Variants in BARD1 observed in about 807,000 individuals in gnomAD.
BARD1 encodes BRCA1-associated RING domain protein 1.
BARD1 carries 73 observed loss-of-function variants against 77.0 expected under a neutral mutation model. The ratio of observed to expected loss-of-function variants is 0.95; its 90% CI spans 0.79 to 1.15. BARD1 has a LOEUF of 1.15. BARD1 is among the 50% of genes most tolerant of loss of function. BARD1 has a pLI of 0.00. For synonymous variants in BARD1, 384 were observed against 338.0 expected (o/e 1.14, Z -1.49); for missense variants, 993 against 938.8 (o/e 1.06, Z -0.75).
At chr2:214,787,967 G>A (rs190825012) in intron 3 of BARD1, among the ~76,000 whole-genome samples, 2 of 151,922 alleles carry the variant, frequency 1.3e-5, no homozygotes, top group East Asian at 1.9e-4. Flanking sequence ...CAACATTAAC[G>A]CCTTCACTGA....
intron 3 of BARD1, among the ~76,000 whole-genome samples, chr2:214,785,751 T>A (rs1411142929): frequency 6.6e-6 from 1 of 151,454 alleles, no homozygotes; most frequent in Non-Finnish European, 1.5e-5. Flanking sequence ...AAGAAGAACA[T>A]TAGAAACGGA....
intron 9 of BARD1, among the ~76,000 whole-genome samples, chr2:214,736,113 T>TA (rs1301892033): frequency 1.3e-5 from 2 of 152,034 alleles, no homozygotes; most frequent in Admixed American, 6.6e-5. Flanking sequence ...AATTATACTC[T>TA]AAAAAAGGCA....
Position 214,792,287 on chromosome 2 carries a change from T to C in BARD1, c.364+10A>G. The stretch of plus-strand genomic sequence containing the variant: ...TGAATTTAACTAAGAGAGATAGGGA[T>C]AGTTCTTACCTGACAGCTCATTGTC... On this transcript the variant is annotated intron_variant, in intron 3 of 10. Transcript: ENST00000260947. 3 of 1,612,592 alleles carry C rather than the reference T, an allele frequency of 1.9e-6. No individual in the cohort carries two copies. The highest frequency in any genetic ancestry group is 2.5e-6 in the Non-Finnish European group (3 of 1,179,276).
intron 9 of BARD1, among the ~76,000 whole-genome samples, chr2:214,737,723 A>G (rs368754239): frequency 6.6e-6 from 1 of 152,206 alleles, no homozygotes. Flanking sequence ...CCAGCCAAAC[A>G]TTACTTAATT....
At chr2:214,770,094 T>C (rs1694408740) in intron 4 of BARD1, among the ~76,000 whole-genome samples, 1 of 152,240 alleles carries the variant, frequency 6.6e-6, no homozygotes, top group African/African-American at 2.4e-5. Context: ...ACATTTAGTT[T>C]ATATTCACCT....
chr2:214,736,749 G>A (rs189962179), intron 9 of BARD1, among the ~76,000 whole-genome samples: 224 of 152,140 alleles, frequency 1.5e-3, no homozygotes, highest in Middle Eastern at 0.014. Context: ...AGAGCAGCAT[G>A]GTACTTCCAT....
intron 7 of BARD1, among the ~76,000 whole-genome samples, chr2:214,749,169 A>G (rs2106028975): frequency 7.0e-6 from 1 of 143,104 alleles, no homozygotes; most frequent in East Asian, 2.1e-4. Flanking sequence ...GGCCATGGGA[A>G]CATCTAGTTC....
Position 214,726,528 on chromosome 2 carries a change from T to C in BARD1, c.*2148A>G, listed in dbSNP as rs1692091016. 4.5e-6 allele frequency: 1 copy of C among 223,400 alleles called. No individual in the cohort carries two copies. The highest frequency in any genetic ancestry group is 1.8e-4 in the South Asian group (1 of 5,458). 13.8% of individuals were successfully genotyped at this position (223,400 alleles called of 1,614,324 possible). On this transcript the variant is annotated 3_prime_UTR_variant, in exon 11 of 11. Transcript: ENST00000260947. The stretch of plus-strand genomic sequence containing the variant: ...CAAAATTAATTAAAAAGCATTATGT[T>C]AAAAAAGATAAGCTTTTGTTAGTTA...
chr2:214,775,918 G>T (rs536587677), intron 4 of BARD1, among the ~76,000 whole-genome samples: 14 of 152,236 alleles, frequency 9.2e-5, no homozygotes, highest in Admixed American at 5.2e-4. Context: ...TACTATGAAG[G>T]ATATATAATT....
intron 7 of BARD1, among the ~76,000 whole-genome samples, chr2:214,747,046 G>A (rs1250604215): frequency 2.0e-5 from 3 of 151,886 alleles, no homozygotes; most frequent in Non-Finnish European, 2.9e-5. Flanking sequence ...GTGGGCGAAG[G>A]ATATGAACAG....
chr2:214,745,211 T>A (rs781356040), intron 8 of BARD1, 52 bp from the exon 9 acceptor site: 3 of 1,481,332 alleles, frequency 2.0e-6, no homozygotes, highest in South Asian at 1.1e-5. Flanking sequence ...CCAAAGTATT[T>A]CTTTGGCCTG....
chr2:214,807,606 T>C (rs962636936), intron 1 of BARD1, among the ~76,000 whole-genome samples: 9 of 152,228 alleles, frequency 5.9e-5, no homozygotes, highest in Non-Finnish European at 1.2e-4. Flanking sequence ...TATTGTCTGC[T>C]TTGTTCACTA....
At chr2:214,791,338 T>C (rs1271572953) in intron 3 of BARD1, among the ~76,000 whole-genome samples, 1 of 152,192 alleles carries the variant, frequency 6.6e-6, no homozygotes, top group Non-Finnish European at 1.5e-5. Flanking sequence ...TAGCTGACAA[T>C]AAGACATCAT....
chr2:214,808,867 T>G (rs999839305), intron 1 of BARD1, among the ~76,000 whole-genome samples: 1 of 152,224 alleles, frequency 6.6e-6, no homozygotes, highest in East Asian at 1.9e-4. Flanking sequence ...CGTGCCATCT[T>G]CAATCTACAA....
At chr2:214,763,463 T>C (rs1168847250) in intron 6 of BARD1, among the ~76,000 whole-genome samples, 1 of 152,148 alleles carries the variant, frequency 6.6e-6, no homozygotes, top group Non-Finnish European at 1.5e-5. Flanking sequence ...AAGGAAGGCA[T>C]CTAAGAGAAA....
At chr2:214,747,468 A>G (rs1693179982) in intron 7 of BARD1, among the ~76,000 whole-genome samples, 1 of 150,722 alleles carries the variant, frequency 6.6e-6, no homozygotes, top group African/African-American at 2.4e-5. Context: ...AATGTCCAAC[A>G]ACGATAGACT....
At chr2:214,759,395 A>C (rs1282402318) in intron 6 of BARD1, among the ~76,000 whole-genome samples, 1 of 152,178 alleles carries the variant, frequency 6.6e-6, no homozygotes, top group Non-Finnish European at 1.5e-5. Context: ...GGATGTACAG[A>C]GGGCAGTGGG....
intron 9 of BARD1, among the ~76,000 whole-genome samples, chr2:214,736,444 T>C: frequency 6.6e-6 from 1 of 152,060 alleles, no homozygotes; most frequent in Non-Finnish European, 1.5e-5. Flanking sequence ...TATTCATAAT[T>C]GTATCTTTAA....
chr2:214,740,659 G>T (rs913569930), intron 9 of BARD1, among the ~76,000 whole-genome samples: 3 of 151,880 alleles, frequency 2.0e-5, no homozygotes, highest in African/African-American at 7.2e-5. Context: ...TTTTTCCAGA[G>T]AGTATCTTCA....
Sources: gnomAD v4.1 joint callset for allele counts (sites outside exome capture counted in the v4.1 genomes callset) on GRCh38, gnomAD v4.1.1 for gene constraint, MANE v1.5 for transcripts, NCBI Gene and HGNC (gene_info 2026-07-23, HGNC 2026-07-21) for gene names.